The following AATF variants were observed in gnomAD, a reference collection of about 807,000 sequenced individuals.
The protein encoded by AATF is protein AATF.
Under a neutral mutation model 63.7 loss-of-function variants are expected in AATF, and 48 were observed. The observed-to-expected ratio is 0.75, with a 90% CI of 0.60 to 0.96. The LOEUF (loss-of-function observed/expected upper bound fraction) is 0.96, where lower values mean the gene tolerates loss of function less well. Among genes scored for constraint, AATF ranks in the 40% least tolerant of loss-of-function variants. AATF has a pLI of 0.00. For synonymous variants in AATF, 258 were observed against 247.7 expected (o/e 1.04, Z -0.39); for missense variants, 639 against 685.7 (o/e 0.93, Z 0.76).
At chr17:36,965,962 C>CT (rs1471683055) in intron 4 of AATF, among the ~76,000 whole-genome samples, 3 of 152,026 alleles carry the variant, frequency 2.0e-5, no homozygotes, top group African/African-American at 7.2e-5. Flanking sequence ...GAAGAGATGT[C>CT]TAAGTATGGG....
In AATF at chr17:36,953,717, A is replaced by C. The variant is rs1041722256; in HGVS notation, c.695-53A>C. The C allele has an allele frequency of 2.0e-5, 31 of 1,575,202 alleles. No individual in the cohort carries two copies. In the African/African-American group the frequency reaches 3.4e-4, roughly 17 times the overall value. ...TGTTCTTCCCCACCCCTGCCACCTCACCCCCAGAATATTTTATTATTGAGG... is the reference window on the plus strand; with the variant it reads ...TGTTCTTCCCCACCCCTGCCACCTCCCCCCCAGAATATTTTATTATTGAGG... On this transcript the variant is annotated intron_variant, in intron 3 of 11. Transcript: ENST00000619387.
intron 8 of AATF, among the ~76,000 whole-genome samples, chr17:37,013,079 G>A (rs1306473491): frequency 1.3e-5 from 2 of 152,000 alleles, no homozygotes; most frequent in Non-Finnish European, 2.9e-5. Flanking sequence ...AATGAATAAG[G>A]GACTGGTATC....
At chr17:37,047,288 CT>C (rs1325075735) in intron 11 of AATF, among the ~76,000 whole-genome samples, 5 of 152,146 alleles carry the variant, frequency 3.3e-5, no homozygotes, top group African/African-American at 1.2e-4. Flanking sequence ...TCCCCCACCC[CT>C]CTGCTTTTTT....
intron 11 of AATF, chr17:37,051,167 T>C (rs1044969310): frequency 6.6e-6 from 1 of 152,150 alleles, no homozygotes; most frequent in Non-Finnish European, 1.5e-5. Flanking sequence ...ATGATGCGCT[T>C]TGGGAGGCTG....
At position 37,021,661 on chromosome 17, in the gene AATF, C is replaced by T. The variant is rs573499723; in HGVS notation, c.1547+647C>T. 1.5e-4 allele frequency among the ~76,000 whole-genome samples: 12 copies of T among 81,656 alleles called. 1 individual carries two copies. The highest frequency in any genetic ancestry group is 4.6e-4 in the African/African-American group (3 of 6,526). The allele number at this position is 81,656 out of a possible 152,430, so 53.6% of individuals were successfully genotyped here. The stretch of plus-strand genomic sequence containing the variant: ...ATAATAATAAATACAAAAAATTAGC[C>T]GGGCGTAGTGGCGGGCGCCTGTAGT... On this transcript the variant is annotated intron_variant, in intron 10 of 11. Coordinates refer to ENST00000619387, the MANE Select transcript of AATF (RefSeq NM_012138.4).
chr17:36,995,806 A>G (rs1260658860), intron 8 of AATF, among the ~76,000 whole-genome samples: 3 of 152,046 alleles, frequency 2.0e-5, no homozygotes, highest in African/African-American at 4.8e-5. Flanking sequence ...GGGCTCAAGC[A>G]GTTTGCCCAC....
At chr17:37,039,954 C>G (rs1230231338) in intron 11 of AATF, among the ~76,000 whole-genome samples, 2 of 152,116 alleles carry the variant, frequency 1.3e-5, no homozygotes, top group Non-Finnish European at 2.9e-5. Flanking sequence ...CAAAATGGGC[C>G]TTTTTGACTA....
chr17:36,968,368 G>A lies in AATF; in HGVS notation c.832+14461G>A, dbSNP rs113718719. Among the ~76,000 whole-genome samples the A allele has an allele frequency of 1.4e-3, 190 of 138,900 alleles. 1 individual carries two copies. Among genetic ancestry groups the A allele is most frequent in the African/African-American group, 5.2e-3 (186 of 35,866 alleles). The allele number at this position is 138,900 out of a possible 152,430, so 91.1% of individuals were successfully genotyped here. ...CGGCTCACTGCAGCCTTGGCCTCCTGGGCTCAAGCAATCCACCTGCATCAG... is the reference window on the plus strand; with the variant it reads ...CGGCTCACTGCAGCCTTGGCCTCCTAGGCTCAAGCAATCCACCTGCATCAG... On this transcript the variant is annotated intron_variant, in intron 4 of 11. Coordinates refer to ENST00000619387, the MANE Select transcript of AATF (RefSeq NM_012138.4).
intron 8 of AATF, among the ~76,000 whole-genome samples, chr17:37,009,425 G>A (rs940956594): frequency 2.6e-5 from 4 of 151,434 alleles, no homozygotes; most frequent in Admixed American, 6.6e-5. Context: ...GATTACAGGT[G>A]TGAACCACCG....
At chr17:37,009,603 G>C (rs1287335733) in intron 8 of AATF, among the ~76,000 whole-genome samples, 2 of 148,836 alleles carry the variant, frequency 1.3e-5, no homozygotes, top group East Asian at 4.1e-4. Context: ...GGATCATGAG[G>C]TCAGGAGATC....
chr17:36,973,836 C>T lies in AATF; in HGVS notation c.833-12781C>T, dbSNP rs544695548. Among the ~76,000 whole-genome samples the T allele has an allele frequency of 3.9e-5, 6 of 152,114 alleles. No individual in the cohort carries two copies. The East Asian group carries it at 1.2e-3, about 29-fold the overall frequency. ...CTATAATCCCAGACCTTTGGGAGGC[C>T]GAGGCAGGTGGATCACTAGAGGTTA... is the stretch of plus-strand genomic sequence containing the variant. On this transcript the variant is annotated intron_variant, in intron 4 of 11. Transcript: ENST00000619387.
At chr17:36,971,246 A>C (rs1421716759) in intron 4 of AATF, among the ~76,000 whole-genome samples, 3 of 152,262 alleles carry the variant, frequency 2.0e-5, no homozygotes, top group Non-Finnish European at 4.4e-5. Flanking sequence ...ACCCATTCAA[A>C]AAAAAATGGG....
intron 8 of AATF, among the ~76,000 whole-genome samples, chr17:37,004,024 G>T (rs1222464214): frequency 6.6e-6 from 1 of 152,084 alleles, no homozygotes; most frequent in East Asian, 1.9e-4. Flanking sequence ...AGAATCGCTT[G>T]AACCCAGGAG....
At chr17:36,959,500 T>C (rs2142210032) in intron 4 of AATF, among the ~76,000 whole-genome samples, 1 of 152,180 alleles carries the variant, frequency 6.6e-6, no homozygotes, top group South Asian at 2.1e-4. Flanking sequence ...GGTGGGAAAA[T>C]TGTAAGTAAA....
chr17:36,973,216 A>G (rs983314444), intron 4 of AATF, among the ~76,000 whole-genome samples: 4 of 152,194 alleles, frequency 2.6e-5, no homozygotes, highest in Admixed American at 1.3e-4. Flanking sequence ...ATAGGAACAA[A>G]TTATTCAAAA....
chr17:36,974,872 C>CT (rs1205173652), intron 4 of AATF, among the ~76,000 whole-genome samples: 2 of 151,818 alleles, frequency 1.3e-5, no homozygotes, highest in South Asian at 2.1e-4. Flanking sequence ...TCTAATTCTC[C>CT]TTTTTTTTGC....
At chr17:37,027,449 T>C (rs1242043857) in intron 10 of AATF, among the ~76,000 whole-genome samples, 1 of 152,162 alleles carries the variant, frequency 6.6e-6, no homozygotes, top group Non-Finnish European at 1.5e-5. Context: ...ATCTGATTTC[T>C]TCCTAAAGCC....
intron 4 of AATF, among the ~76,000 whole-genome samples, chr17:36,976,402 A>G (rs1222175671): frequency 6.6e-6 from 1 of 152,206 alleles, no homozygotes; most frequent in Non-Finnish European, 1.5e-5. Flanking sequence ...CTTACTGAGT[A>G]TTAACTATTA....
At chr17:37,010,603 C>T (rs1024766141) in intron 8 of AATF, among the ~76,000 whole-genome samples, 5 of 152,130 alleles carry the variant, frequency 3.3e-5, no homozygotes, top group East Asian at 1.9e-4. Context: ...AGGAGGTAGA[C>T]GTTATCAAGG....
Sources: allele counts gnomAD v4.1 joint callset (sites outside exome capture counted in the v4.1 genomes callset), GRCh38; gene constraint gnomAD v4.1.1; transcripts MANE v1.5; gene names NCBI Gene and HGNC (gene_info 2026-07-23, HGNC 2026-07-21).